Variants in CREB3L2 observed in about 807,000 individuals in gnomAD.
The protein encoded by CREB3L2 is cAMP responsive element binding protein 3 like 2.
In CREB3L2, 23 loss-of-function variants were observed where a neutral mutation model predicts 57.2. The ratio of observed to expected loss-of-function variants is 0.40; its 90% CI spans 0.29 to 0.57. The LOEUF (loss-of-function observed/expected upper bound fraction) is 0.57, where lower values mean the gene tolerates loss of function less well. CREB3L2 is among the 20% of genes least tolerant of loss of function. The pLI, the probability that CREB3L2 is intolerant of heterozygous loss-of-function variation, is 0.42. For missense variants in CREB3L2, 628 were observed against 634.7 expected (o/e 0.99, Z 0.11); for synonymous variants, 268 against 265.1 (o/e 1.01, Z -0.11).
rs1397463026 is a variant in CREB3L2 at position 137,885,090 on chromosome 7, C to T, written c.1175G>A (p.Gly392Asp). The T allele has an allele frequency of 6.2e-7, 1 of 1,614,138 alleles. No homozygotes were observed. The highest frequency in any genetic ancestry group is 8.5e-7 in the Non-Finnish European group (1 of 1,180,010). ...GGGCCCGTAGCCTTGAAAGAAGCTGCCGAATGCAACGGCAAAGCACAGCAC... is the reference window on the plus strand; with the variant it reads ...GGGCCCGTAGCCTTGAAAGAAGCTGTCGAATGCAACGGCAAAGCACAGCAC... The part of the protein sequence containing the change: ...VVVLCFAVAF[G>D]SFFQGYGPYP... Residue 392 changes from glycine (G) to aspartate (D), a missense_variant, in exon 10 of 12, where the codon GGC becomes GAC. Around this residue, in one of 3 missense-constraint regions of CREB3L2, gnomAD observed 272 missense variants for 242.7 expected, o/e 1.12. Coordinates refer to ENST00000330387, the MANE Select transcript of CREB3L2 (RefSeq NM_194071.4).
intron 1 of CREB3L2, among the ~76,000 whole-genome samples, chr7:137,973,053 C>T (rs923587883): frequency 1.3e-5 from 2 of 151,564 alleles, no homozygotes; most frequent in African/African-American, 4.8e-5. Context: ...CACCCCAAAT[C>T]CACATGAGAA....
intron 1 of CREB3L2, among the ~76,000 whole-genome samples, chr7:137,964,361 C>A (rs748125216): frequency 4.6e-5 from 7 of 152,046 alleles, no homozygotes; most frequent in Non-Finnish European, 7.4e-5. Flanking sequence ...ACAAACAAAC[C>A]CTTGCTTAAC....
At chr7:138,000,143 T>C (rs1802051139) in intron 1 of CREB3L2, among the ~76,000 whole-genome samples, 1 of 152,262 alleles carries the variant, frequency 6.6e-6, no homozygotes, top group African/African-American at 2.4e-5. Flanking sequence ...GCATTGCAGC[T>C]GCTGGATGAG....
intron 1 of CREB3L2, among the ~76,000 whole-genome samples, chr7:137,992,353 A>T (rs1040548090): frequency 1.3e-5 from 2 of 152,212 alleles, no homozygotes; most frequent in African/African-American, 4.8e-5. Flanking sequence ...CTGTAGAAGC[A>T]GCTGAATCCC....
Position 138,001,557 on chromosome 7 carries a change from A to G in CREB3L2, c.102+47T>C. The stretch of plus-strand genomic sequence containing the variant: ...CTCCAGCTGCTCCTCGCGTGACAAC[A>G]CTTGCCCGCTTTGAAAGCCCTCCTG... On this transcript the variant is annotated intron_variant, in intron 1 of 11. Transcript: ENST00000330387. The surrounding 1 kb of genome is among the most constrained non-coding windows in gnomAD (Gnocchi z 4.2). 1 of 1,442,248 alleles carries G rather than the reference A, an allele frequency of 6.9e-7. No individual in the cohort carries two copies. The highest frequency in any genetic ancestry group is 9.6e-7 in the Non-Finnish European group (1 of 1,042,352). 89.3% of individuals were successfully genotyped at this position (1,442,248 alleles called of 1,614,324 possible). A position where few individuals can be genotyped will look rare whatever the true frequency, so the allele number is the denominator to read the frequency against.
intron 8 of CREB3L2, among the ~76,000 whole-genome samples, chr7:137,896,747 C>G (rs576242015): frequency 6.6e-6 from 1 of 152,276 alleles, no homozygotes; most frequent in East Asian, 1.9e-4. Flanking sequence ...GAGAAGAAGA[C>G]ACACAGAGCC....
chr7:137,956,766 C>T (rs1801221897), intron 1 of CREB3L2: 1 of 526,714 alleles, frequency 1.9e-6, no homozygotes, highest in Non-Finnish European at 3.3e-6. Flanking sequence ...TAGCATACAG[C>T]ATAAGGCCCC....
At chr7:137,944,987 G>A (rs1800944008) in intron 1 of CREB3L2, among the ~76,000 whole-genome samples, 1 of 152,016 alleles carries the variant, frequency 6.6e-6, no homozygotes, top group African/African-American at 2.4e-5. Context: ...CTGTCTCTCG[G>A]GCTCAAGCGA....
chr7:137,929,671 G>T (rs1800566928), intron 1 of CREB3L2, among the ~76,000 whole-genome samples: 1 of 150,496 alleles, frequency 6.6e-6, no homozygotes, highest in South Asian at 2.1e-4. Context: ...GACCAGCCTG[G>T]CCAACATAGT....
At chr7:137,937,915 A>G (rs751749001) in intron 1 of CREB3L2, among the ~76,000 whole-genome samples, 1 of 151,774 alleles carries the variant, frequency 6.6e-6, no homozygotes, top group Non-Finnish European at 1.5e-5. Flanking sequence ...GAAGTATGTG[A>G]AATAGATTAA....
chr7:137,935,850 C>T (rs762356262), intron 1 of CREB3L2: 166 of 195,026 alleles, frequency 8.5e-4, no homozygotes, highest in Non-Finnish European at 1.2e-3. Context: ...ATAAGAATTA[C>T]TTATTTTATA....
intron 1 of CREB3L2, among the ~76,000 whole-genome samples, chr7:137,978,073 T>C (rs1190497014): frequency 6.6e-6 from 1 of 152,144 alleles, no homozygotes; most frequent in Admixed American, 6.5e-5. Context: ...TTAGTCATCA[T>C]ATCAGCTTTG....
intron 6 of CREB3L2, 92 bp downstream of exon 6, chr7:137,905,610 G>T: frequency 1.5e-6 from 2 of 1,356,788 alleles, no homozygotes; most frequent in Non-Finnish European, 1.1e-6. Flanking sequence ...CATGGGATGG[G>T]GTAGTGCTGG....
At chr7:137,928,126 G>T (rs748080180) in intron 2 of CREB3L2, 24 bp downstream of exon 2, 5 of 1,536,146 alleles carry the variant, frequency 3.3e-6, no homozygotes, top group Non-Finnish European at 3.5e-6. Flanking sequence ...TAAGGTCCAG[G>T]TCTTCCTCCT....
At chr7:137,995,306 C>A (rs1190344489) in intron 1 of CREB3L2, among the ~76,000 whole-genome samples, 1 of 139,700 alleles carries the variant, frequency 7.2e-6, no homozygotes, top group Non-Finnish European at 1.6e-5. Flanking sequence ...CAACAAGGAG[C>A]TCTATTTCTT....
chr7:137,890,707 T>A (rs1455967386), intron 8 of CREB3L2, among the ~76,000 whole-genome samples: 1 of 152,202 alleles, frequency 6.6e-6, no homozygotes, highest in Non-Finnish European at 1.5e-5. Context: ...TGGGAAAGCC[T>A]GTGACCTCGT....
chr7:137,942,904 A>C (rs1800901066), intron 1 of CREB3L2, among the ~76,000 whole-genome samples: 1 of 152,228 alleles, frequency 6.6e-6, no homozygotes, highest in African/African-American at 2.4e-5. Context: ...CAATGGCATC[A>C]GAAAGTACAC....
At chr7:137,979,411 C>T (rs975624182) in intron 1 of CREB3L2, among the ~76,000 whole-genome samples, 1 of 152,160 alleles carries the variant, frequency 6.6e-6, no homozygotes, top group Non-Finnish European at 1.5e-5. Flanking sequence ...GCAACTGGTC[C>T]TACCAGTCCT....
rs1442194639 is a variant in CREB3L2, at chr7:137,875,835, ATAT to A, written c.*4638_*4640del. The A allele has an allele frequency of 4.5e-6, 1 of 224,616 alleles. No homozygotes were observed. The highest frequency in any genetic ancestry group is 8.9e-6 in the Non-Finnish European group (1 of 112,672). 13.9% of individuals were successfully genotyped at this position (224,616 alleles called of 1,614,324 possible). A position where few individuals can be genotyped will look rare whatever the true frequency, so the allele number is the denominator to read the frequency against. On this transcript the variant is annotated 3_prime_UTR_variant, in exon 12 of 12. Coordinates refer to ENST00000330387, the MANE Select transcript of CREB3L2 (RefSeq NM_194071.4). ...CAACACCCTAGTAAATGCTCAAGAA[ATAT>A]TATTTCCCTTCCTTCTAGAAACCAA...
Sources: gnomAD v4.1 joint callset for allele counts (sites outside exome capture counted in the v4.1 genomes callset) on GRCh38, gnomAD v4.1.1 for gene constraint, gnomAD v4.1.1 regional missense constraint, Gnocchi (gnomAD v3.1) non-coding constraint, MANE v1.5 for transcripts, NCBI Gene and HGNC (gene_info 2026-07-23, HGNC 2026-07-21) for gene names.